TGM5: variants seen among roughly 807,000 people sequenced by gnomAD.
TGM5 encodes the protein protein-glutamine gamma-glutamyltransferase 5.
A neutral mutation model predicts 77.2 loss-of-function variants in TGM5; 69 were observed. That is an observed-to-expected ratio of 0.89 (90% CI 0.74 to 1.09). TGM5 has a LOEUF of 1.09. Ranked by LOEUF, TGM5 falls within the 50% of genes least tolerant of loss-of-function variation. The pLI, the probability that TGM5 is intolerant of heterozygous loss-of-function variation, is 0.00. For missense variants in TGM5, 842 were observed against 896.5 expected, an observed-to-expected ratio of 0.94 and a Z score of 0.78; for synonymous variants, 346 against 351.8, an observed-to-expected ratio of 0.98 and a Z score of 0.18.
At chr15:43,237,403 G>T (rs144788926) in intron 9 of TGM5, among the ~76,000 whole-genome samples, 49 of 152,266 alleles carry the variant, frequency 3.2e-4, no homozygotes, top group African/African-American at 1.1e-3. Context: ...AAACACCCTA[G>T]CCCCTGTGAC....
intron 1 of TGM5, among the ~76,000 whole-genome samples, chr15:43,261,853 C>T (rs541316474): frequency 6.6e-6 from 1 of 152,184 alleles, no homozygotes; most frequent in Non-Finnish European, 1.5e-5. Flanking sequence ...TCTCTTAATG[C>T]ATTATCAGAT....
chr15:43,258,084 G>C (rs567163092), intron 3 of TGM5, among the ~76,000 whole-genome samples: 1 of 152,086 alleles, frequency 6.6e-6, no homozygotes, highest in Non-Finnish European at 1.5e-5. Context: ...GTCGTGGGGT[G>C]GGGGGAAGAG....
chr15:43,258,854 T>A (rs2042763225), intron 3 of TGM5, among the ~76,000 whole-genome samples: 2 of 149,606 alleles, frequency 1.3e-5, no homozygotes, highest in Non-Finnish European at 3.0e-5. Flanking sequence ...CAGAAGGCCC[T>A]GAGAGAGAGA....
At position 43,232,928 on chromosome 15, in the gene TGM5, A is replaced by G; in HGVS notation, c.*263T>C. 2.1e-6 allele frequency: 1 copy of G among 483,028 alleles called. No individual in the cohort carries two copies. Among genetic ancestry groups the G allele is most frequent in the South Asian group, 2.2e-5 (1 of 46,288 alleles). 29.9% of individuals were successfully genotyped at this position (483,028 alleles called of 1,614,324 possible). On this transcript the variant is annotated 3_prime_UTR_variant, in exon 13 of 13. Transcript: ENST00000220420. ...GCTGGAGTCTCCTATTCATTCATTC[A>G]AAAAATATTTGTTGAGTGCCTAGCA...
chr15:43,251,088 A>C (rs2042700324), intron 6 of TGM5, among the ~76,000 whole-genome samples: 1 of 152,134 alleles, frequency 6.6e-6, no homozygotes, highest in Non-Finnish European at 1.5e-5. Context: ...ATCTTATACA[A>C]GATCTAGTCT....
In TGM5 at chr15:43,260,277, A is replaced by G; in HGVS notation, c.211T>C (p.Leu71=). Reference sequence around the variant, plus strand: ...AGGCTGAACACAGCCCGAGTCCCCAAGGCCAGGTCTGGCAGCGGTCCTAGG... The same window carrying G: ...AGGCTGAACACAGCCCGAGTCCCCAGGGCCAGGTCTGGCAGCGGTCCTAGG... ...VETGPLPDLA[L]GTRAVFSLAR... Residue 71 remains leucine, a synonymous_variant, in exon 3 of 13, where the codon TTG becomes CTG. Coordinates refer to ENST00000220420, the MANE Select transcript of TGM5 (RefSeq NM_201631.4). 1.2e-6 allele frequency: 2 copies of G among 1,614,112 alleles called. No individual in the cohort carries two copies. The highest frequency in any genetic ancestry group is 1.7e-6 in the Non-Finnish European group (2 of 1,180,016).
chr15:43,250,677 A>C (rs2042697685), intron 6 of TGM5, among the ~76,000 whole-genome samples: 1 of 152,256 alleles, frequency 6.6e-6, no homozygotes, highest in Non-Finnish European at 1.5e-5. Context: ...GGTCTTACCC[A>C]TCTTGTATCC....
At chr15:43,260,642 C>T (rs1460970015) in intron 1 of TGM5, 63 bp from the exon 2 acceptor site, 5 of 1,570,996 alleles carry the variant, frequency 3.2e-6, no homozygotes, top group South Asian at 2.2e-5. Flanking sequence ...CTGTCCACCA[C>T]TTACTAGTTC....
rs2042782694 is a variant in TGM5, at chr15:43,261,060, CTTTTTTTGTGTGTGTGTTTTTTTTT to C, written c.11-506_11-482del. Among the ~76,000 whole-genome samples the C allele has an allele frequency of 3.3e-5, 3 of 90,620 alleles. 1 individual carries two copies. Among genetic ancestry groups the C allele is most frequent in the Non-Finnish European group, 5.9e-5 (3 of 50,610 alleles). 59.5% of individuals were successfully genotyped at this position (90,620 alleles called of 152,430 possible). A position where few individuals can be genotyped will look rare whatever the true frequency, so the allele number is the denominator to read the frequency against. On this transcript the variant is annotated intron_variant, in intron 1 of 12. Coordinates refer to ENST00000220420, the MANE Select transcript of TGM5 (RefSeq NM_201631.4). The stretch of plus-strand genomic sequence containing the variant: ...TAACTCCTTGGGCTAGCTGCTCTTC[CTTTTTTTGTGTGTGTGTTTTTTTTT>C]TTTTTTTTTTTTTTTTTTTTTTGAG...
intron 9 of TGM5, among the ~76,000 whole-genome samples, chr15:43,238,554 C>G (rs1382563094): frequency 2.6e-5 from 4 of 152,220 alleles, no homozygotes; most frequent in Non-Finnish European, 5.9e-5. Flanking sequence ...TAGGGGGAAG[C>G]AGGGGTGAAG....
In TGM5 at chr15:43,260,393, T is replaced by C; in HGVS notation, c.190+7A>G. ...CACAGCCCCTGTGAGCCAGCTGGGG[T>C]TCTTACCAGTTTCAACCACGAAGAT... On this transcript the variant is annotated splice_region_variant and intron_variant, in intron 2 of 12. Transcript: ENST00000220420. The C allele has an allele frequency of 6.2e-7, 1 of 1,613,956 alleles. No homozygotes were observed. Among genetic ancestry groups the C allele is most frequent in the Non-Finnish European group, 8.5e-7 (1 of 1,179,984 alleles).
chr15:43,260,039 C>A lies in TGM5; in HGVS notation c.436+13G>T, dbSNP rs1265196218. ...AAGAGAAAGGAGGGCACCGCCTGGG[C>A]ACCCAGCCTTACCTGGGCACCAGGG... On this transcript the variant is annotated intron_variant, in intron 3 of 12. Coordinates refer to ENST00000220420, the MANE Select transcript of TGM5 (RefSeq NM_201631.4). 1.2e-6 allele frequency: 2 copies of A among 1,612,922 alleles called. No individual in the cohort carries two copies. Among genetic ancestry groups the A allele is most frequent in the Non-Finnish European group, 1.7e-6 (2 of 1,180,020 alleles).
At chr15:43,259,827 C>A (rs1301100906) in intron 3 of TGM5, among the ~76,000 whole-genome samples, 1 of 152,136 alleles carries the variant, frequency 6.6e-6, no homozygotes, top group Non-Finnish European at 1.5e-5. Context: ...AACAGTTTTT[C>A]TGTTTAAGCA....
chr15:43,260,616 G>T (rs1266898679), intron 1 of TGM5, 37 bp from the exon 2 acceptor site: 2 of 1,611,754 alleles, frequency 1.2e-6, no homozygotes, highest in Non-Finnish European at 8.5e-7. Context: ...AAAATAGTGG[G>T]GTTGTGGAGC....
At position 43,233,564 on chromosome 15, in the gene TGM5, G is replaced by T; in HGVS notation, c.1999C>A (p.Gln667Lys). Residue 667 changes from glutamine to lysine, a missense_variant, in exon 12 of 13, where the codon CAG becomes AAG. Physicochemically the swap from Gln to Lys is moderately conservative, Grantham distance 53 (BLOSUM62 1). Around this residue, in one of 2 missense-constraint regions of TGM5, gnomAD observed 815 missense variants for 844.6 expected, o/e 0.96. Coordinates refer to ENST00000220420, the MANE Select transcript of TGM5 (RefSeq NM_201631.4). ...VEGSGLFKKQ[Q>K]KVFLGVLKPQ... ...ACTTGCAGCACTTACAAGACTTTCTGCTGTTTCTTGAAGAGGCCACTTCCT... is the reference window on the plus strand; with the variant it reads ...ACTTGCAGCACTTACAAGACTTTCTTCTGTTTCTTGAAGAGGCCACTTCCT... 6.2e-7 allele frequency: 1 copy of T among 1,614,186 alleles called. No individual in the cohort carries two copies. Among genetic ancestry groups the T allele is most frequent in the African/African-American group, 1.3e-5 (1 of 75,030 alleles).
intron 9 of TGM5, among the ~76,000 whole-genome samples, chr15:43,238,247 C>G (rs2042604992): frequency 6.6e-6 from 1 of 152,182 alleles, no homozygotes; most frequent in Non-Finnish European, 1.5e-5. Flanking sequence ...GATATTTTTG[C>G]CTGGCTCCCT....
chr15:43,241,078 T>C (rs1243842238), intron 6 of TGM5, 88 bp from the exon 7 acceptor site: 1 of 1,565,788 alleles, frequency 6.4e-7, no homozygotes, highest in Non-Finnish European at 8.7e-7. Context: ...CCTGGGGAAA[T>C]CTTCCATTTG....
intron 6 of TGM5, among the ~76,000 whole-genome samples, chr15:43,244,430 A>T (rs1339575673): frequency 6.6e-6 from 1 of 152,176 alleles, no homozygotes; most frequent in Non-Finnish European, 1.5e-5. Context: ...GTCACTGATG[A>T]TTTTGTGGGA....
In TGM5 at chr15:43,233,618, G is replaced by A. The variant is rs1448991268; in HGVS notation, c.1945C>T (p.Gln649Ter). ...QVIFSNPLSEQVEDCVLTVEG... is the reference protein window; with the variant it reads ...QVIFSNPLSE ...ACAGTCAGCACACAGTCCTCAACCT[G>A]CTCCGAGAGGGGGTTTGAAAATATC... Residue 649 changes from glutamine (Q) to a stop codon, truncating the protein, a stop_gained, in exon 12 of 13, where the codon CAG becomes TAG. Transcript: ENST00000220420. LOFTEE classifies it high-confidence loss of function. 1.9e-6 allele frequency: 3 copies of A among 1,614,092 alleles called. No homozygotes were observed. The highest frequency in any genetic ancestry group is 2.2e-5 in the East Asian group (1 of 44,898).
Sources: allele counts gnomAD v4.1 joint callset (sites outside exome capture counted in the v4.1 genomes callset), GRCh38; gene constraint gnomAD v4.1.1; regional missense constraint gnomAD v4.1.1; transcripts MANE v1.5; gene names NCBI Gene and HGNC (gene_info 2026-07-23, HGNC 2026-07-21).